Variants in TMEFF2 observed in about 807,000 individuals in gnomAD.
TMEFF2 encodes transmembrane protein with EGF like and two follistatin like domains 2, also known as tomoregulin-2.
TMEFF2 carries 28 observed loss-of-function variants against 53.8 expected under a neutral mutation model. The observed-to-expected ratio is 0.52, with a 90% confidence interval of 0.39 to 0.71. The LOEUF (loss-of-function observed/expected upper bound fraction) is 0.71. TMEFF2 is among the 30% of genes least tolerant of loss of function. The pLI is 0.00. For missense variants in TMEFF2, 353 were observed against 455.2 expected (o/e 0.78, Z 2.04); for synonymous variants, 162 against 166.3 (o/e 0.97, Z 0.20).
At chr2:192,027,586 T>G (rs1574301489) in intron 5 of TMEFF2, among the ~76,000 whole-genome samples, 1 of 152,158 alleles carries the variant, frequency 6.6e-6, no homozygotes, top group Non-Finnish European at 1.5e-5. Flanking sequence ...CATGCCCTTG[T>G]GTAATGCCCT....
intron 3 of TMEFF2, among the ~76,000 whole-genome samples, chr2:192,182,944 GTCC>G (rs1343455563): frequency 6.6e-6 from 1 of 151,852 alleles, no homozygotes; most frequent in Non-Finnish European, 1.5e-5. Flanking sequence ...CAGCATGCTG[GTCC>G]TCCTCCTTTC....
At chr2:192,023,476 T>C (rs1484291540) in intron 5 of TMEFF2, among the ~76,000 whole-genome samples, 8 of 152,170 alleles carry the variant, frequency 5.3e-5, no homozygotes, top group Admixed American at 5.2e-4. Flanking sequence ...ATTATTTTTT[T>C]CTCCAAAAGC....
chr2:192,156,498 C>T (rs1225091870), intron 4 of TMEFF2, among the ~76,000 whole-genome samples: 2 of 151,946 alleles, frequency 1.3e-5, no homozygotes, highest in African/African-American at 2.4e-5. Context: ...CCTCCTCATA[C>T]AACAACCACT....
At chr2:192,078,535 T>A (rs776533934) in intron 4 of TMEFF2, among the ~76,000 whole-genome samples, 28 of 152,152 alleles carry the variant, frequency 1.8e-4, no homozygotes, top group Non-Finnish European at 3.8e-4. Flanking sequence ...AGAGATACAT[T>A]GCAGAGATAT....
chr2:192,121,561 C>T (rs1689554508), intron 4 of TMEFF2, among the ~76,000 whole-genome samples: 2 of 152,126 alleles, frequency 1.3e-5, no homozygotes, highest in African/African-American at 4.8e-5. Flanking sequence ...TCTGGGTGAT[C>T]TTAAAATTTA....
chr2:191,958,437 G>T (rs553143518), intron 7 of TMEFF2, among the ~76,000 whole-genome samples: 6 of 152,190 alleles, frequency 3.9e-5, no homozygotes, highest in Admixed American at 3.3e-4. Flanking sequence ...TTTTCTTTCT[G>T]TCAGTTACAA....
At chr2:192,059,176 G>A (rs1016637469) in intron 4 of TMEFF2, among the ~76,000 whole-genome samples, 26 of 151,472 alleles carry the variant, frequency 1.7e-4, no homozygotes, top group African/African-American at 6.3e-4. Flanking sequence ...GTGCTTGATA[G>A]TCAACGCTTA....
intron 4 of TMEFF2, among the ~76,000 whole-genome samples, chr2:192,084,007 G>A (rs1373878685): frequency 2.0e-5 from 3 of 152,004 alleles, no homozygotes; most frequent in Non-Finnish European, 1.5e-5. Flanking sequence ...ACCATTGATG[G>A]GAAAGTTAGT....
intron 4 of TMEFF2, among the ~76,000 whole-genome samples, chr2:192,070,705 A>G (rs1393226014): frequency 4.0e-5 from 6 of 151,884 alleles, no homozygotes; most frequent in African/African-American, 1.4e-4. Flanking sequence ...TCAGAGAGAG[A>G]AATTTCAGAA....
chr2:192,094,868 A>G (rs1015063018), intron 4 of TMEFF2, among the ~76,000 whole-genome samples: 13 of 152,214 alleles, frequency 8.5e-5, no homozygotes, highest in African/African-American at 2.9e-4. Flanking sequence ...TAATAACTGT[A>G]AAATAATATA....
chr2:192,058,568 C>T (rs745791058), intron 4 of TMEFF2, among the ~76,000 whole-genome samples: 1 of 151,972 alleles, frequency 6.6e-6, no homozygotes, highest in Non-Finnish European at 1.5e-5. Context: ...CAGGATACAA[C>T]AGTGTAAATT....
intron 1 of TMEFF2, among the ~76,000 whole-genome samples, chr2:192,193,803 G>A (rs991535873): frequency 4.8e-5 from 7 of 145,960 alleles, no homozygotes; most frequent in African/African-American, 1.5e-4. Context: ...GAGAGAGAGA[G>A]AGAGAAATTC....
chr2:192,153,173 C>CT (rs1439035719), intron 4 of TMEFF2, among the ~76,000 whole-genome samples: 1 of 151,168 alleles, frequency 6.6e-6, no homozygotes, highest in African/African-American at 2.4e-5. Flanking sequence ...TATACTAGAC[C>CT]TTTTAAAAGA....
At position 192,184,385 on chromosome 2, in the gene TMEFF2, T is replaced by A. The variant is rs755794452; in HGVS notation, c.381A>T (p.Ile127=). ...CACATGATCCTTCTGACACCACAAG[T>A]ATCTCACTCTGCTGTTTGCATGCAG... ...RQAACKQQSE[I]LVVSEGSCAT... is the part of the protein sequence containing the mutation. Residue 127 remains isoleucine, a synonymous_variant, in exon 3 of 10, where the codon ATA becomes ATT. Coordinates refer to ENST00000272771, the MANE Select transcript of TMEFF2 (RefSeq NM_016192.4). The A allele has an allele frequency of 2.5e-6, 4 of 1,613,250 alleles. No individual in the cohort carries two copies. In the African/African-American group the frequency reaches 5.3e-5, roughly 22 times the overall value.
At chr2:192,017,049 G>A (rs928349707) in intron 5 of TMEFF2, among the ~76,000 whole-genome samples, 1 of 152,186 alleles carries the variant, frequency 6.6e-6, no homozygotes, top group Non-Finnish European at 1.5e-5. Context: ...AATGTAAGTC[G>A]AGTAGGACTT....
chr2:192,151,117 ACT>A (rs748451510), intron 4 of TMEFF2, among the ~76,000 whole-genome samples: 27 of 150,994 alleles, frequency 1.8e-4, no homozygotes, highest in Non-Finnish European at 3.4e-4. Flanking sequence ...AATCTTGCTC[ACT>A]CTCTCTCATC....
intron 3 of TMEFF2, among the ~76,000 whole-genome samples, chr2:192,180,045 T>C (rs1389538784): frequency 6.6e-6 from 1 of 151,512 alleles, no homozygotes; most frequent in African/African-American, 2.4e-5. Flanking sequence ...AATCAGTAAG[T>C]TTCAGAAATT....
At chr2:192,146,859 G>GC (rs1439141837) in intron 4 of TMEFF2, among the ~76,000 whole-genome samples, 15 of 152,106 alleles carry the variant, frequency 9.9e-5, no homozygotes, top group African/African-American at 3.6e-4. Context: ...CGTAAGCTAA[G>GC]CAATACTGGT....
At chr2:192,187,563 G>T (rs1248581883) in intron 2 of TMEFF2, among the ~76,000 whole-genome samples, 1 of 152,060 alleles carries the variant, frequency 6.6e-6, no homozygotes, top group Non-Finnish European at 1.5e-5. Context: ...ATGAAGGGAC[G>T]GACTCAGATG....
Sources: gnomAD v4.1 joint callset for allele counts (sites outside exome capture counted in the v4.1 genomes callset) on GRCh38, gnomAD v4.1.1 for gene constraint, MANE v1.5 for transcripts, NCBI Gene and HGNC (gene_info 2026-07-23, HGNC 2026-07-21) for gene names.